Variants in MTFR1 observed in about 807,000 individuals in gnomAD.
MTFR1 encodes mitochondrial fission regulator 1, also known as chondrocyte protein with a poly-proline region.
Under a neutral mutation model 38.8 loss-of-function variants are expected in MTFR1, and 28 were observed. That is an observed-to-expected ratio of 0.72 (90% CI 0.53 to 0.99). The LOEUF is 0.99. Among genes scored for constraint, MTFR1 ranks in the 50% least tolerant of loss-of-function variants. The probability of loss-of-function intolerance (pLI) is 0.00; values close to 1 mark genes in which losing one functional copy is unlikely to be tolerated. For synonymous variants in MTFR1, 145 were observed against 137.0 expected, an observed-to-expected ratio of 1.06 and a Z score of -0.41; for missense variants, 358 against 395.5, an observed-to-expected ratio of 0.91 and a Z score of 0.81.
chr8:65,689,555 A>G, intron 3 of MTFR1: 5 of 1,251,098 alleles, frequency 4.0e-6, no homozygotes, highest in East Asian at 5.7e-5. Flanking sequence ...TTCTTTTTCC[A>G]CTAATAATAG....
chr8:65,673,056 GTT>G (rs1415680939), intron 2 of MTFR1, among the ~76,000 whole-genome samples: 1 of 152,214 alleles, frequency 6.6e-6, no homozygotes, highest in Non-Finnish European at 1.5e-5. Flanking sequence ...CAGAGACCTA[GTT>G]TTCAGCCTGT....
chr8:65,711,946 A>C (rs896155279), downstream of MTFR1, among the ~76,000 whole-genome samples: 62 of 152,194 alleles, frequency 4.1e-4, no homozygotes, highest in African/African-American at 1.5e-3. Context: ...AAGACAGCTC[A>C]AACAGTGCCT....
intron 3 of MTFR1, among the ~76,000 whole-genome samples, chr8:65,770,767 A>C (rs570243625): frequency 1.6e-4 from 24 of 152,352 alleles, no homozygotes; most frequent in Non-Finnish European, 2.8e-4. Context: ...CATATTACCA[A>C]ACTGCCCTCC....
At chr8:65,647,282 A>G (rs1382783731) in intron 1 of MTFR1, among the ~76,000 whole-genome samples, 1 of 152,190 alleles carries the variant, frequency 6.6e-6, no homozygotes, top group Non-Finnish European at 1.5e-5. Flanking sequence ...CAGAGAAAAG[A>G]GAATGGTATA....
intron 3 of MTFR1, among the ~76,000 whole-genome samples, chr8:65,740,700 C>T (rs1807385326): frequency 6.6e-6 from 1 of 152,180 alleles, no homozygotes; most frequent in African/African-American, 2.4e-5. Context: ...CACGCCTGGC[C>T]AAGTTTCCCT....
At chr8:65,702,987 C>CA (rs890090474) in intron 4 of MTFR1, among the ~76,000 whole-genome samples, 13 of 149,912 alleles carry the variant, frequency 8.7e-5, no homozygotes, top group Non-Finnish European at 1.6e-4. Flanking sequence ...AAAATATAAC[C>CA]AAAACAAATG....
intron 2 of MTFR1, among the ~76,000 whole-genome samples, chr8:65,678,267 C>T (rs1804774671): frequency 6.6e-6 from 1 of 152,072 alleles, no homozygotes; most frequent in African/African-American, 2.4e-5. Flanking sequence ...CAGCCATTTA[C>T]AATTTCTCCC....
intron 4 of MTFR1, among the ~76,000 whole-genome samples, chr8:65,700,568 A>G (rs1054148182): frequency 1.3e-5 from 2 of 152,106 alleles, no homozygotes; most frequent in South Asian, 2.1e-4. Context: ...ATAACTGATA[A>G]TCTCATCTAA....
At chr8:65,679,870 A>G (rs182895944) in intron 2 of MTFR1, among the ~76,000 whole-genome samples, 1 of 152,184 alleles carries the variant, frequency 6.6e-6, no homozygotes, top group Admixed American at 6.5e-5. Flanking sequence ...GCTTCAGAGT[A>G]ACTTTGCTTC....
intron 2 of MTFR1, among the ~76,000 whole-genome samples, chr8:65,680,899 CTTTTTTTT>C (rs1199113408): frequency 4.3e-5 from 4 of 93,630 alleles, no homozygotes; most frequent in Non-Finnish European, 6.0e-5. Flanking sequence ...AAGCAGTTCT[CTTTTTTTT>C]TTTTTTTTTT....
chr8:65,719,501 G>C, intron 3 of MTFR1: 1 of 1,575,392 alleles, frequency 6.3e-7, no homozygotes, highest in Non-Finnish European at 8.7e-7. Flanking sequence ...AAAACCTTGA[G>C]AAAATAGGAG....
intron 3 of MTFR1, among the ~76,000 whole-genome samples, chr8:65,764,376 C>T (rs976589809): frequency 2.6e-5 from 4 of 152,180 alleles, no homozygotes; most frequent in African/African-American, 7.2e-5. Flanking sequence ...CTGGCAAACT[C>T]GAGTCTGAAT....
chr8:65,688,411 C>CA (rs1168504710), intron 3 of MTFR1, among the ~76,000 whole-genome samples: 9 of 145,364 alleles, frequency 6.2e-5, no homozygotes, highest in African/African-American at 1.8e-4. Flanking sequence ...AACAAGCAAA[C>CA]AAAAAAAACC....
At chr8:65,711,442 GGC>G, downstream of MTFR1, among the ~76,000 whole-genome samples, 1 of 152,172 alleles carries the variant, frequency 6.6e-6, no homozygotes, top group East Asian at 1.9e-4. Flanking sequence ...GATAGAATCT[GGC>G]AGACAGAAGT....
chr8:65,670,889 A>G (rs1363153978), intron 2 of MTFR1, among the ~76,000 whole-genome samples: 3 of 152,206 alleles, frequency 2.0e-5, no homozygotes, highest in African/African-American at 7.2e-5. Context: ...ATTTTTTAGT[A>G]GAGATGGGGT....
chr8:65,739,241 A>C (rs977189882), intron 3 of MTFR1, among the ~76,000 whole-genome samples: 2 of 152,238 alleles, frequency 1.3e-5, no homozygotes, highest in African/African-American at 4.8e-5. Context: ...CTGGTATCCT[A>C]GCTGAGGTCT....
At chr8:65,648,623 T>C (rs1410563590) in intron 1 of MTFR1, among the ~76,000 whole-genome samples, 1 of 152,186 alleles carries the variant, frequency 6.6e-6, no homozygotes, top group Non-Finnish European at 1.5e-5. Context: ...AAATTTTTTT[T>C]CTGCTCCGAC....
chr8:65,761,508 C>G (rs186774859), intron 3 of MTFR1, among the ~76,000 whole-genome samples: 1 of 152,238 alleles, frequency 6.6e-6, no homozygotes, highest in African/African-American at 2.4e-5. Flanking sequence ...CAGGCTTGTG[C>G]TAGTTTACAT....
intron 3 of MTFR1, chr8:65,719,511 G>T: frequency 1.3e-6 from 2 of 1,535,306 alleles, no homozygotes; most frequent in South Asian, 2.2e-5. Context: ...GAAAATAGGA[G>T]AAAAAGTTAT....
Sources: allele counts gnomAD v4.1 joint callset (sites outside exome capture counted in the v4.1 genomes callset), GRCh38; gene constraint gnomAD v4.1.1; transcripts MANE v1.5; gene names NCBI Gene and HGNC (gene_info 2026-07-23, HGNC 2026-07-21).